Variants in VEGFC observed in about 807,000 individuals in gnomAD.
VEGFC encodes vascular endothelial growth factor C.
In VEGFC, 12 loss-of-function variants were observed where a neutral mutation model predicts 46.1. The ratio of observed to expected loss-of-function variants is 0.26; its 90% CI spans 0.17 to 0.42. The LOEUF is 0.42. Ranked by LOEUF, VEGFC falls within the 10% of genes least tolerant of loss-of-function variation. The pLI is 1.00. For missense variants in VEGFC, 488 were observed against 529.4 expected (o/e 0.92, Z 0.77); for synonymous variants, 232 against 195.5 (o/e 1.19, Z -1.56).
At chr4:176,729,448 A>G in intron 2 of VEGFC, 85 bp downstream of exon 2, 1 of 1,138,656 alleles carries the variant, frequency 8.8e-7, no homozygotes, top group Non-Finnish European at 1.2e-6. Flanking sequence ...TCGGTGATAC[A>G]AACACTGAAA....
chr4:176,748,805 T>C (rs1735297186), intron 1 of VEGFC, among the ~76,000 whole-genome samples: 1 of 151,904 alleles, frequency 6.6e-6, no homozygotes, highest in South Asian at 2.1e-4. Context: ...AAATATTTTA[T>C]TGATATAGTC....
chr4:176,730,866 TATATTGAGAAACATAATCTA>T (rs1455360666), intron 1 of VEGFC, among the ~76,000 whole-genome samples: 1 of 152,108 alleles, frequency 6.6e-6, no homozygotes, highest in Non-Finnish European at 1.5e-5. Flanking sequence ...TTTTGTACCA[TATATTGAGAAACATAATCTA>T]ATCTCATTTT....
chr4:176,725,074 T>C (rs1423780281), intron 3 of VEGFC, among the ~76,000 whole-genome samples: 1 of 152,198 alleles, frequency 6.6e-6, no homozygotes, highest in East Asian at 1.9e-4. Context: ...AGTACTGTAT[T>C]GTTCCCAATA....
At chr4:176,780,387 A>AAAAAAAAAAC (rs1553997794) in intron 1 of VEGFC, among the ~76,000 whole-genome samples, 4,798 of 114,634 alleles carry the variant, frequency 0.042, 406 homozygotes, top group South Asian at 0.099. Context: ...ATCTCAAAAA[A>AAAAAAAAAAC]AAAAAAAAAA....
chr4:176,792,084 T>C lies in VEGFC; in HGVS notation c.147+81A>G. The C allele has an allele frequency of 7.2e-7, 1 of 1,397,292 alleles. No individual in the cohort carries two copies. Among genetic ancestry groups the C allele is most frequent in the Non-Finnish European group, 9.3e-7 (1 of 1,070,688 alleles). 86.6% of individuals were successfully genotyped at this position (1,397,292 alleles called of 1,614,324 possible). ...TACACAAGCTTAAAGCACACACACT[T>C]TCCCCCGCGCAGGTTCTCGGGTCCG... On this transcript the variant is annotated intron_variant, in intron 1 of 6. Transcript: ENST00000618562. This position sits in a 1 kb window ranked among gnomAD's most constrained non-coding sequence, Gnocchi z 6.3.
At chr4:176,780,542 T>A (rs1735898324) in intron 1 of VEGFC, among the ~76,000 whole-genome samples, 1 of 152,152 alleles carries the variant, frequency 6.6e-6, no homozygotes, top group Non-Finnish European at 1.5e-5. Context: ...ATCATTTCAA[T>A]GATTGAATGG....
intron 4 of VEGFC, among the ~76,000 whole-genome samples, chr4:176,688,474 C>T (rs995086570): frequency 1.3e-5 from 2 of 152,132 alleles, no homozygotes; most frequent in Non-Finnish European, 2.9e-5. Context: ...TTCTGAAGCA[C>T]AGATCCCCAT....
chr4:176,735,226 G>A (rs1183939451), intron 1 of VEGFC, among the ~76,000 whole-genome samples: 1 of 151,736 alleles, frequency 6.6e-6, no homozygotes, highest in Non-Finnish European at 1.5e-5. Context: ...AGGTATAAAT[G>A]GAAATCTGTC....
chr4:176,776,762 T>C (rs1387693389), intron 1 of VEGFC, among the ~76,000 whole-genome samples: 1 of 152,224 alleles, frequency 6.6e-6, no homozygotes, highest in Non-Finnish European at 1.5e-5. Flanking sequence ...ATGGCAAAAA[T>C]AGAAAATTGT....
rs1734701113 is a variant in VEGFC at position 176,716,521 on chromosome 4, G to A, written c.553-4871C>T. Among the ~76,000 whole-genome samples, 2 of 143,216 alleles carry A rather than the reference G, an allele frequency of 1.4e-5. 1 individual carries two copies. Among genetic ancestry groups the A allele is most frequent in the South Asian group, 4.5e-4 (2 of 4,488 alleles). 94.0% of individuals were successfully genotyped at this position (143,216 alleles called of 152,430 possible). A position where few individuals can be genotyped will look rare whatever the true frequency, so the allele number is the denominator to read the frequency against. ...GAACCCGGGAGGCAGAGGTTGCAGTGAGCCCAGATTGCACCACTGCACCTG... is the reference window on the plus strand; with the variant it reads ...GAACCCGGGAGGCAGAGGTTGCAGTAAGCCCAGATTGCACCACTGCACCTG... On this transcript the variant is annotated intron_variant, in intron 3 of 6. Coordinates refer to ENST00000618562, the MANE Select transcript of VEGFC (RefSeq NM_005429.5).
intron 1 of VEGFC, among the ~76,000 whole-genome samples, chr4:176,735,223 A>G (rs1443622602): frequency 6.6e-6 from 1 of 151,920 alleles, no homozygotes; most frequent in Non-Finnish European, 1.5e-5. Flanking sequence ...TTCAGGTATA[A>G]ATGGAAATCT....
At chr4:176,737,408 T>G (rs1251370068) in intron 1 of VEGFC, among the ~76,000 whole-genome samples, 1 of 149,254 alleles carries the variant, frequency 6.7e-6, no homozygotes, top group East Asian at 2.0e-4. Flanking sequence ...TTTTTAACAT[T>G]TCTATGTTAA....
chr4:176,747,048 G>A (rs867343310), intron 1 of VEGFC, among the ~76,000 whole-genome samples: 4 of 152,234 alleles, frequency 2.6e-5, no homozygotes, highest in African/African-American at 7.2e-5. Flanking sequence ...TGAATAAGTA[G>A]TATGCTTTTG....
chr4:176,727,781 C>A lies in VEGFC; in HGVS notation c.549G>T (p.Lys183Asn). ...AGCAGGAATGGGCAATACCCACCGT[C>A]TTGCTGAGGTAGCTCGTGCTGGTGT... Reference protein sequence around the residue: ...CMNTSTSYLSKTLFEITVPLS... With the variant: ...CMNTSTSYLSNTLFEITVPLS... Residue 183 changes from lysine (K) to asparagine (N), a missense_variant, in exon 3 of 7, where the codon AAG becomes AAT. Coordinates refer to ENST00000618562, the MANE Select transcript of VEGFC (RefSeq NM_005429.5). The A allele has an allele frequency of 6.2e-7, 1 of 1,612,900 alleles. No individual in the cohort carries two copies. The highest frequency in any genetic ancestry group is 8.5e-7 in the Non-Finnish European group (1 of 1,179,248).
intron 1 of VEGFC, among the ~76,000 whole-genome samples, chr4:176,767,996 G>C (rs1462970644): frequency 6.6e-6 from 1 of 152,074 alleles, no homozygotes; most frequent in Admixed American, 6.5e-5. Context: ...CTGAATGTAG[G>C]GTAGGAAAGA....
intron 3 of VEGFC, among the ~76,000 whole-genome samples, chr4:176,712,909 T>C (rs1734641220): frequency 6.6e-6 from 1 of 152,180 alleles, no homozygotes; most frequent in African/African-American, 2.4e-5. Flanking sequence ...TTAGAAGAAA[T>C]AGGTACAGGG....
At chr4:176,759,040 A>G (rs969663760) in intron 1 of VEGFC, among the ~76,000 whole-genome samples, 3 of 152,170 alleles carry the variant, frequency 2.0e-5, no homozygotes, top group Non-Finnish European at 4.4e-5. Context: ...AGAGTTTCCC[A>G]TTGAAAAGAC....
At chr4:176,703,485 T>C (rs1734470991) in intron 4 of VEGFC, among the ~76,000 whole-genome samples, 1 of 151,972 alleles carries the variant, frequency 6.6e-6, no homozygotes, top group Admixed American at 6.6e-5. Flanking sequence ...GTGGGTCAGT[T>C]GTGGGGGGAA....
chr4:176,729,447 CA>C (rs1560948005), intron 2 of VEGFC, 85 bp downstream of exon 2: 1 of 1,123,012 alleles, frequency 8.9e-7, no homozygotes, highest in East Asian at 2.7e-5. Flanking sequence ...TTCGGTGATA[CA>C]AACACTGAAA....
Sources: allele counts gnomAD v4.1 joint callset (sites outside exome capture counted in the v4.1 genomes callset), GRCh38; gene constraint gnomAD v4.1.1; non-coding constraint Gnocchi (gnomAD v3.1); transcripts MANE v1.5; gene names NCBI Gene and HGNC (gene_info 2026-07-23, HGNC 2026-07-21).